Variants in NT5DC4 observed in about 807,000 individuals in gnomAD.
NT5DC4 encodes 5'-nucleotidase domain-containing protein 4.
NT5DC4 carries 44 observed loss-of-function variants against 26.6 expected under a neutral mutation model. That is an observed-to-expected ratio of 1.65 (90% confidence interval 1.30 to 2.13). NT5DC4 has a LOEUF of 2.13. Among genes scored for constraint, NT5DC4 ranks in the 30% most tolerant of loss-of-function variants. The pLI is 0.00. For missense variants in NT5DC4, 399 were observed against 228.1 expected (o/e 1.75, Z -4.83); for synonymous variants, 157 against 86.7 (o/e 1.81, Z -4.51).
intron 6 of NT5DC4, 138 bp downstream of exon 6, chr2:112,722,909 C>A: frequency 1.5e-6 from 1 of 670,084 alleles, no homozygotes. Flanking sequence ...GCCTCTATTG[C>A]AGGCTAGCAC....
intron 14 of NT5DC4, 28 bp from the exon 15 acceptor site, chr2:112,726,650 C>A (rs1305261302): frequency 1.4e-6 from 1 of 717,360 alleles, no homozygotes; most frequent in Non-Finnish European, 2.6e-6. Context: ...TGTGCCTCCC[C>A]TGGGTCACCT....
chr2:112,721,984 A>T lies in NT5DC4; in HGVS notation c.149-2A>T. On this transcript the variant is annotated splice_acceptor_variant, in intron 2 of 16. Transcript: ENST00000688554. LOFTEE classifies it high-confidence loss of function. ...GCCCTGATTCTGTCCGGGCCTCTGC[A>T]GCCTACAAGTCCCCAGCTTATGAGG... is the stretch of plus-strand genomic sequence containing the variant. 1.4e-6 allele frequency: 1 copy of T among 717,278 alleles called. No individual in the cohort carries two copies. The highest frequency in any genetic ancestry group is 2.6e-6 in the Non-Finnish European group (1 of 385,080). 44.4% of individuals were successfully genotyped at this position (717,278 alleles called of 1,614,324 possible).
At chr2:112,735,393 A>G (rs1413547151) in intron 16 of NT5DC4, among the ~76,000 whole-genome samples, 2 of 152,166 alleles carry the variant, frequency 1.3e-5, no homozygotes, top group Non-Finnish European at 2.9e-5. Flanking sequence ...AGTGCCTGGC[A>G]TAGTGAGCAC....
downstream of NT5DC4, chr2:112,742,287 G>T: frequency 1.5e-6 from 1 of 685,902 alleles, no homozygotes. Flanking sequence ...GACAGTGATG[G>T]TCATCCAATT....
At chr2:112,726,151 C>T (rs1045041379) in intron 13 of NT5DC4, 87 bp from the exon 14 acceptor site, 4 of 709,754 alleles carry the variant, frequency 5.6e-6, no homozygotes, top group Admixed American at 2.0e-5. Flanking sequence ...GCAAGTCCTC[C>T]GCTGGGCCAG....
chr2:112,728,639 G>A (rs1312357096), intron 15 of NT5DC4, among the ~76,000 whole-genome samples: 1 of 152,212 alleles, frequency 6.6e-6, no homozygotes, highest in Non-Finnish European at 1.5e-5. Context: ...CTGCCTTCCA[G>A]ACGTTTGAGA....
rs1677591007 is a variant in NT5DC4, at chr2:112,725,526, A to G, written c.1127A>G (p.Glu376Gly). 1.4e-6 allele frequency: 1 copy of G among 713,466 alleles called. No homozygotes were observed. The highest frequency in any genetic ancestry group is 2.0e-5 in the Admixed American group (1 of 49,806). The allele number at this position is 713,466 out of a possible 1,614,324, so 44.2% of individuals were successfully genotyped here. A position where few individuals can be genotyped will look rare whatever the true frequency, so the allele number is the denominator to read the frequency against. Residue 376 changes from glutamate (E) to glycine (G), a missense_variant, in exon 13 of 17, where the codon GAG (glutamate) becomes GGG (glycine). Glu to Gly is a moderately conservative substitution (Grantham distance 98). Coordinates refer to ENST00000688554, the MANE Select transcript of NT5DC4 (RefSeq NM_001393655.1). ...CTGGTGGTTCCTGAGCTGTCCTGGG[A>G]GCTGGACATCTGGGCCCAGGAGAAG... ...TCLVVPELSWELDIWAQEKER... is the reference protein window; with the variant it reads ...TCLVVPELSWGLDIWAQEKER...
chr2:112,735,976 G>C (rs1406523785), intron 16 of NT5DC4, among the ~76,000 whole-genome samples: 1 of 152,110 alleles, frequency 6.6e-6, no homozygotes. Flanking sequence ...TGGGAACTAA[G>C]CTGTAATGTC....
At chr2:112,736,952 A>T (rs10203064) in intron 16 of NT5DC4, 3 of 151,238 alleles carry the variant, frequency 2.0e-5, no homozygotes, top group Non-Finnish European at 2.9e-5. Context: ...TTTGAGATGG[A>T]GTCTTGCTCT....
intron 16 of NT5DC4, chr2:112,736,674 ATG>A (rs1679221724): frequency 6.6e-6 from 1 of 152,172 alleles, no homozygotes; most frequent in Non-Finnish European, 1.5e-5. Flanking sequence ...AATATTCCAT[ATG>A]TGAGATCATG....
At chr2:112,729,492 T>C in intron 15 of NT5DC4, 135 bp from the exon 16 acceptor site, 1 of 641,814 alleles carries the variant, frequency 1.6e-6, no homozygotes, top group Non-Finnish European at 2.9e-6. Context: ...CCTTCCGAGG[T>C]TCCTTCCTCT....
intron 1 of NT5DC4, among the ~76,000 whole-genome samples, 25 bp downstream of exon 1, chr2:112,721,178 G>T (rs941820563): frequency 6.6e-6 from 1 of 152,192 alleles, no homozygotes; most frequent in African/African-American, 2.4e-5. Context: ...TGGGGTGGGG[G>T]CCAGGGGTCT....
chr2:112,724,389 C>T (rs916024127), intron 10 of NT5DC4: 41 of 587,906 alleles, frequency 7.0e-5, no homozygotes, highest in African/African-American at 2.8e-4. Flanking sequence ...GTGGGTGAGA[C>T]GAGGGCATGG....
intron 16 of NT5DC4, 114 bp from the exon 17 acceptor site, chr2:112,738,798 CT>C: frequency 6.6e-7 from 1 of 1,506,386 alleles, no homozygotes; most frequent in Non-Finnish European, 9.2e-7. Flanking sequence ...TCTGAAACAC[CT>C]TTTTTAAAAA....
At position 112,727,171 on chromosome 2, in the gene NT5DC4, A is replaced by G. The variant is rs1047124549; in HGVS notation, c.1266+433A>G. The G allele has an allele frequency of 2.3e-5, 5 of 215,064 alleles. No individual in the cohort carries two copies. In the East Asian group the frequency reaches 4.1e-4, roughly 18 times the overall value. 13.3% of individuals were successfully genotyped at this position (215,064 alleles called of 1,614,324 possible). On this transcript the variant is annotated intron_variant, in intron 15 of 16. Transcript: ENST00000688554. ...GGCCACCAAAAAGCTGGAGGTGCCC[A>G]TGGGTCAGCCAGGTGGAGGGAGTCA...
At chr2:112,720,272 G>C (rs771124631), upstream of NT5DC4, among the ~76,000 whole-genome samples, 1 of 150,340 alleles carries the variant, frequency 6.7e-6, no homozygotes, top group Non-Finnish European at 1.5e-5. Flanking sequence ...TCACCATCTT[G>C]GCCAGGCTGG....
intron 16 of NT5DC4, among the ~76,000 whole-genome samples, chr2:112,730,010 G>A (rs1273431726): frequency 6.6e-6 from 1 of 152,044 alleles, no homozygotes; most frequent in Admixed American, 6.6e-5. Context: ...CTAAATATTT[G>A]TTTTTAAAAT....
chr2:112,729,709 G>A lies in NT5DC4; in HGVS notation c.1344+5G>A, dbSNP rs780924825. The A allele has an allele frequency of 5.4e-5, 39 of 717,596 alleles. No homozygotes were observed. The highest frequency in any genetic ancestry group is 2.4e-4 in the Admixed American group (12 of 50,010). 44.5% of individuals were successfully genotyped at this position (717,596 alleles called of 1,614,324 possible). ...CTCCTCTCCTGCAACCAGAGGGTGA[G>A]TGGCTGTGGCCGACGAACTCTGTGG... On this transcript the variant is annotated splice_donor_5th_base_variant and intron_variant, in intron 16 of 16. Transcript: ENST00000688554.
rs776003550 is a variant in NT5DC4 at position 112,723,767 on chromosome 2, T to A, written c.721T>A (p.Phe241Ile). The change falls in exon 9 of 17, where the codon TTT becomes ATT. Residue 241 changes from phenylalanine to isoleucine, a missense_variant. Physicochemically the swap from Phe to Ile is conservative, Grantham distance 21 (BLOSUM62 0). Transcript: ENST00000688554. ...LGKMKEVGKV[F>I]LATNSSYNYT... ...GAAGATGAAGGAGGTTGGGAAAGTG[T>A]TTCTGGCCACCAACAGCAGCTACAA... 7 of 717,068 alleles carry A rather than the reference T, an allele frequency of 9.8e-6. No homozygotes were observed. Among genetic ancestry groups the A allele is most frequent in the South Asian group, 8.9e-5 (6 of 67,600 alleles). 44.4% of individuals were successfully genotyped at this position (717,068 alleles called of 1,614,324 possible). A position where few individuals can be genotyped will look rare whatever the true frequency, so the allele number is the denominator to read the frequency against.
Sources: gnomAD v4.1 joint callset for allele counts (sites outside exome capture counted in the v4.1 genomes callset) on GRCh38, gnomAD v4.1.1 for gene constraint, MANE v1.5 for transcripts, NCBI Gene and HGNC (gene_info 2026-07-23, HGNC 2026-07-21) for gene names.